ATOH7: variants seen among roughly 807,000 people sequenced by gnomAD.
ATOH7 encodes the protein atonal bHLH transcription factor 7.
Under a neutral mutation model 11.0 loss-of-function variants are expected in ATOH7, and 11 were observed. The ratio of observed to expected loss-of-function variants is 1.00; its 90% CI spans 0.63 to 1.66. The LOEUF is 1.66. ATOH7 is among the 40% of genes most tolerant of loss of function. The pLI, the probability that ATOH7 is intolerant of heterozygous loss-of-function variation, is 0.00. For synonymous variants in ATOH7, 98 were observed against 98.3 expected (o/e 1.00, Z 0.02); for missense variants, 232 against 219.2 (o/e 1.06, Z -0.37).
rs760974406 is a variant in ATOH7, at chr10:68,231,271, T to C, written c.407A>G (p.Tyr136Cys). The C allele has an allele frequency of 2.5e-6, 4 of 1,605,050 alleles. No individual in the cohort carries two copies. In the South Asian group the frequency reaches 4.4e-5, roughly 18 times the overall value. Residue 136 changes from tyrosine to cysteine, a missense_variant, in exon 1 of 1, where the codon TAC (tyrosine) becomes TGC (cysteine). Physicochemically the swap from Tyr to Cys is radical, Grantham distance 194. Transcript: ENST00000373673. ...CTGGAAGCCGAAGAGTCTCTGGCTG[T>C]ACAGCTCGCTCTCGCCCGGCAGCTT... ...GAKLPGESEL[Y>C]SQRLFGFQPE...
rs370130944 is a variant in ATOH7 at position 68,231,475 on chromosome 10, G to C, written c.203C>G (p.Pro68Arg). ...TAFDRLRRVV[P>R]QWGQDKKLSK... ...CAGCTTTTTATCCTGGCCCCACTGG[G>C]GAACCACCCTGCGTAAGCGGTCGAA... The change falls in exon 1 of 1, where the codon CCC becomes CGC. Residue 68 changes from proline (P) to arginine (R), a missense_variant. Pro to Arg is a moderately radical substitution (Grantham distance 103). Coordinates refer to ENST00000373673, the MANE Select transcript of ATOH7 (RefSeq NM_145178.4). 5.6e-6 allele frequency: 9 copies of C among 1,600,968 alleles called. No homozygotes were observed. The highest frequency in any genetic ancestry group is 6.8e-6 in the Non-Finnish European group (8 of 1,174,176).
Position 68,231,738 on chromosome 10 carries a change from G to T in ATOH7, c.-61C>A. 9.2e-7 allele frequency: 1 copy of T among 1,085,158 alleles called. No individual in the cohort carries two copies. The highest frequency in any genetic ancestry group is 1.1e-6 in the Non-Finnish European group (1 of 876,334). 67.2% of individuals were successfully genotyped at this position (1,085,158 alleles called of 1,614,324 possible). A position where few individuals can be genotyped will look rare whatever the true frequency, so the allele number is the denominator to read the frequency against. ...GCCCGCCCGCTCAGGACCTGCGCGT[G>T]GGCTGGTCTCTCGAGCCGCTTCCCA... is the stretch of plus-strand genomic sequence containing the variant. On this transcript the variant is annotated 5_prime_UTR_variant, in exon 1 of 1. Coordinates refer to ENST00000373673, the MANE Select transcript of ATOH7 (RefSeq NM_145178.4).
In ATOH7 at chr10:68,231,628, G is replaced by C. The variant is rs1338971115; in HGVS notation, c.50C>G (p.Pro17Arg). 8.6e-7 allele frequency: 1 copy of C among 1,168,396 alleles called. No homozygotes were observed. Among genetic ancestry groups the C allele is most frequent in the Non-Finnish European group, 1.1e-6 (1 of 946,060 alleles). 72.4% of individuals were successfully genotyped at this position (1,168,396 alleles called of 1,614,324 possible). A position where few individuals can be genotyped will look rare whatever the true frequency, so the allele number is the denominator to read the frequency against. ...SGPPAGARVA[P>R]PCAGGTECAG... is the part of the protein sequence containing the mutation. Reference sequence around the variant, plus strand: ...GCACTCGGTGCCGCCCGCGCACGGGGGTGCAACGCGCGCTCCCGCCGGCGG... The same window carrying C: ...GCACTCGGTGCCGCCCGCGCACGGGCGTGCAACGCGCGCTCCCGCCGGCGG... Residue 17 changes from proline (P) to arginine (R), a missense_variant, in exon 1 of 1, where the codon CCC becomes CGC. Transcript: ENST00000373673.
In ATOH7 at chr10:68,231,485, T is replaced by C. The variant is rs111699024; in HGVS notation, c.193A>G (p.Arg65Gly). ...TCCTGGCCCCACTGGGGAACCACCC[T>C]GCGTAAGCGGTCGAAGGCAGTGTTG... ...GLNTAFDRLR[R>G]VVPQWGQDKK... is the part of the protein sequence containing the mutation. The change falls in exon 1 of 1, where the codon AGG becomes GGG. Residue 65 changes from arginine to glycine, a missense_variant. By Grantham distance (125) the Arg-to-Gly change is moderately radical (BLOSUM62 -2). Coordinates refer to ENST00000373673, the MANE Select transcript of ATOH7 (RefSeq NM_145178.4). 15,702 of 1,595,916 alleles carry C rather than the reference T, an allele frequency of 9.8e-3. 123 individuals carry two copies. The highest frequency in any genetic ancestry group is 0.011 in the Non-Finnish European group (13,436 of 1,171,566).
chr10:68,231,333 G>A lies in ATOH7; in HGVS notation c.345C>T (p.His115=). ...ERDWVGLHCE[H]FGRDHYLPFP... is the part of the protein sequence containing the mutation. Reference sequence around the variant, plus strand: ...ACGGGAGGTAGTGGTCGCGGCCGAAGTGCTCACAGTGGAGACCCACCCAGT... The same window carrying A: ...ACGGGAGGTAGTGGTCGCGGCCGAAATGCTCACAGTGGAGACCCACCCAGT... Residue 115 remains histidine, a synonymous_variant, in exon 1 of 1, where the codon CAC becomes CAT. Coordinates refer to ENST00000373673, the MANE Select transcript of ATOH7 (RefSeq NM_145178.4). 1.9e-6 allele frequency: 3 copies of A among 1,613,226 alleles called. No homozygotes were observed. The highest frequency in any genetic ancestry group is 2.5e-6 in the Non-Finnish European group (3 of 1,179,798).
rs979099181 is a variant in ATOH7 at position 68,231,117 on chromosome 10, G to A, written c.*102C>T. On this transcript the variant is annotated 3_prime_UTR_variant, in exon 1 of 1. Coordinates refer to ENST00000373673, the MANE Select transcript of ATOH7 (RefSeq NM_145178.4). ...AATCGACTAATTTTCCTCGAGGATT[G>A]CATCCTTAGAATCCTGGGCCGCCGG... 4.3e-6 allele frequency: 5 copies of A among 1,160,768 alleles called. No individual in the cohort carries two copies. The highest frequency in any genetic ancestry group is 5.8e-6 in the Non-Finnish European group (5 of 868,242). The allele number at this position is 1,160,768 out of a possible 1,614,324, so 71.9% of individuals were successfully genotyped here.
At position 68,231,581 on chromosome 10, in the gene ATOH7, C is replaced by A. The variant is rs2044027903; in HGVS notation, c.97G>T (p.Gly33Trp). Residue 33 changes from glycine to tryptophan, a missense_variant, in exon 1 of 1, where the codon GGG becomes TGG. Physicochemically the swap from Gly to Trp is radical, Grantham distance 184. Coordinates refer to ENST00000373673, the MANE Select transcript of ATOH7 (RefSeq NM_145178.4). ...CTGCGCGCCGCGCTCTCCAGCCGCC[C>A]GGCCCCGGCGCACGTGCCCGCGCAC... is the stretch of plus-strand genomic sequence containing the variant. ...TECAGTCAGA[G>W]RLESAARRRL... 8.4e-7 allele frequency: 1 copy of A among 1,197,376 alleles called. No homozygotes were observed. Among genetic ancestry groups the A allele is most frequent in the Non-Finnish European group, 1.0e-6 (1 of 961,280 alleles). 74.2% of individuals were successfully genotyped at this position (1,197,376 alleles called of 1,614,324 possible).
chr10:68,231,922 G>A lies in ATOH7; in HGVS notation c.-245C>T, dbSNP rs1001110908. On this transcript the variant is annotated 5_prime_UTR_variant, in exon 1 of 1. Transcript: ENST00000373673. Reference sequence around the variant, plus strand: ...ATTTAGGGGAAAATGAGATGCTCAAGAGAAAGTCATTTTCTCAACATGAAG... The same window carrying A: ...ATTTAGGGGAAAATGAGATGCTCAAAAGAAAGTCATTTTCTCAACATGAAG... 4.9e-6 allele frequency: 1 copy of A among 202,958 alleles called. No homozygotes were observed. Among genetic ancestry groups the A allele is most frequent in the African/African-American group, 2.4e-5 (1 of 42,320 alleles). 12.6% of individuals were successfully genotyped at this position (202,958 alleles called of 1,614,324 possible).
rs1323915881 is a variant in ATOH7, at chr10:68,231,053, C to T, written c.*166G>A. 1.8e-5 allele frequency: 10 copies of T among 567,604 alleles called. No homozygotes were observed. In the East Asian group the frequency reaches 2.4e-4, roughly 14 times the overall value. The allele number at this position is 567,604 out of a possible 1,614,324, so 35.2% of individuals were successfully genotyped here. On this transcript the variant is annotated 3_prime_UTR_variant, in exon 1 of 1. Transcript: ENST00000373673. ...GAAAAGAAAGGCAATTAAATGATTG[C>T]GTCCATAGGTCTGATGATGCGAATA...
rs1419612164 is a variant in ATOH7, at chr10:68,231,651, CG to C, written c.26del (p.Pro9ArgfsTer78). The C allele has an allele frequency of 2.6e-6, 3 of 1,171,626 alleles. No homozygotes were observed. The highest frequency in any genetic ancestry group is 3.2e-6 in the Non-Finnish European group (3 of 947,010). 72.6% of individuals were successfully genotyped at this position (1,171,626 alleles called of 1,614,324 possible). On this transcript the variant is annotated frameshift_variant, in exon 1 of 1. Transcript: ENST00000373673. LOFTEE classifies it high-confidence loss of function. MKSCKPSG[P>X]PAGARVAPPC... ...GGGGTGCAACGCGCGCTCCCGCCGG[CG>C]GGCCGCTGGGCTTGCAGGACTTCAT...
Position 68,231,269 on chromosome 10 carries a change from T to G in ATOH7, c.409A>C (p.Ser137Arg). Reference sequence around the variant, plus strand: ...GGCTGGAAGCCGAAGAGTCTCTGGCTGTACAGCTCGCTCTCGCCCGGCAGC... The same window carrying G: ...GGCTGGAAGCCGAAGAGTCTCTGGCGGTACAGCTCGCTCTCGCCCGGCAGC... ...AKLPGESELY[S>R]QRLFGFQPEP... is the part of the protein sequence containing the mutation. The change falls in exon 1 of 1, where the codon AGC (serine) becomes CGC (arginine). Residue 137 changes from serine (S) to arginine (R), a missense_variant. By Grantham distance (110) the Ser-to-Arg change is moderately radical. Transcript: ENST00000373673. The G allele has an allele frequency of 6.2e-7, 1 of 1,603,226 alleles. No homozygotes were observed. Among genetic ancestry groups the G allele is most frequent in the South Asian group, 1.1e-5 (1 of 90,004 alleles).
chr10:68,231,527 G>A lies in ATOH7; in HGVS notation c.151C>T (p.Arg51Cys), dbSNP rs772282705. 3.0e-6 allele frequency: 4 copies of A among 1,349,480 alleles called. No individual in the cohort carries two copies. Among genetic ancestry groups the A allele is most frequent in the Non-Finnish European group, 2.9e-6 (3 of 1,039,666 alleles). 83.6% of individuals were successfully genotyped at this position (1,349,480 alleles called of 1,614,324 possible). ...RRLAANARER[R>C]RMQGLNTAFD... ...GCAGTGTTGAGCCCCTGCATGCGGCGGCGCTCGCGCGCGTTGGCCGCCAGG... is the reference window on the plus strand; with the variant it reads ...GCAGTGTTGAGCCCCTGCATGCGGCAGCGCTCGCGCGCGTTGGCCGCCAGG... The change falls in exon 1 of 1, where the codon CGC (arginine) becomes TGC (cysteine). Residue 51 changes from arginine (R) to cysteine (C), a missense_variant. Arg to Cys is a radical substitution (Grantham distance 180). Coordinates refer to ENST00000373673, the MANE Select transcript of ATOH7 (RefSeq NM_145178.4).
In ATOH7 at chr10:68,231,310, G is replaced by C. The variant is rs575314578; in HGVS notation, c.368C>G (p.Pro123Arg). The C allele has an allele frequency of 2.5e-6, 4 of 1,612,428 alleles. No homozygotes were observed. The highest frequency in any genetic ancestry group is 2.2e-5 in the East Asian group (1 of 44,782). The change falls in exon 1 of 1, where the codon CCG becomes CGG. Residue 123 changes from proline (P) to arginine (R), a missense_variant. Pro to Arg is a moderately radical substitution (Grantham distance 103). Transcript: ENST00000373673. ...CEHFGRDHYLPFPGAKLPGES... is the reference protein window; with the variant it reads ...CEHFGRDHYLRFPGAKLPGES... ...GCCCGGCAGCTTCGCGCCCGGGAAC[G>C]GGAGGTAGTGGTCGCGGCCGAAGTG... is the stretch of plus-strand genomic sequence containing the variant.
In ATOH7 at chr10:68,231,648, C is replaced by T; in HGVS notation, c.30G>A (p.Pro10=). ...ACGGGGGTGCAACGCGCGCTCCCGC[C>T]GGCGGGCCGCTGGGCTTGCAGGACT... is the stretch of plus-strand genomic sequence containing the variant. MKSCKPSGP[P]AGARVAPPCA... is the part of the protein sequence containing the mutation. The change falls in exon 1 of 1, where the codon CCG becomes CCA. Residue 10 remains proline (P), a synonymous_variant. Coordinates refer to ENST00000373673, the MANE Select transcript of ATOH7 (RefSeq NM_145178.4). The T allele has an allele frequency of 8.5e-7, 1 of 1,171,858 alleles. No homozygotes were observed. The highest frequency in any genetic ancestry group is 1.1e-6 in the Non-Finnish European group (1 of 947,284). 72.6% of individuals were successfully genotyped at this position (1,171,858 alleles called of 1,614,324 possible).
Position 68,231,369 on chromosome 10 carries a change from G to A in ATOH7, c.309C>T (p.Gly103=), listed in dbSNP as rs368807165. 1.2e-6 allele frequency: 2 copies of A among 1,613,808 alleles called. No homozygotes were observed. Among genetic ancestry groups the A allele is most frequent in the Non-Finnish European group, 8.5e-7 (1 of 1,179,926 alleles). Residue 103 remains glycine (G), a synonymous_variant, in exon 1 of 1, where the codon GGC becomes GGT. Transcript: ENST00000373673. ...TRILAEAERF[G]SERDWVGLHC... ...GGAGACCCACCCAGTCCCGCTCCGA[G>A]CCGAATCGCTCGGCCTCGGCCAGGA...
Position 68,231,753 on chromosome 10 carries a change from G to A in ATOH7, c.-76C>T. On this transcript the variant is annotated 5_prime_UTR_variant, in exon 1 of 1. Coordinates refer to ENST00000373673, the MANE Select transcript of ATOH7 (RefSeq NM_145178.4). The stretch of plus-strand genomic sequence containing the variant: ...ACCTGCGCGTGGGCTGGTCTCTCGA[G>A]CCGCTTCCCAACGTGCCTCTTCTGA... The A allele has an allele frequency of 4.0e-6, 4 of 997,360 alleles. No homozygotes were observed. The highest frequency in any genetic ancestry group is 5.0e-6 in the Non-Finnish European group (4 of 805,434). 61.8% of individuals were successfully genotyped at this position (997,360 alleles called of 1,614,324 possible). A position where few individuals can be genotyped will look rare whatever the true frequency, so the allele number is the denominator to read the frequency against.
Position 68,231,298 on chromosome 10 carries a change from G to A in ATOH7, c.380C>T (p.Ala127Val). The A allele has an allele frequency of 6.2e-7, 1 of 1,611,298 alleles. No homozygotes were observed. The highest frequency in any genetic ancestry group is 8.5e-7 in the Non-Finnish European group (1 of 1,179,144). The change falls in exon 1 of 1, where the codon GCG becomes GTG. Residue 127 changes from alanine to valine, a missense_variant. Transcript: ENST00000373673. ...GRDHYLPFPGAKLPGESELYS... is the reference protein window; with the variant it reads ...GRDHYLPFPGVKLPGESELYS... ...CAGCTCGCTCTCGCCCGGCAGCTTCGCGCCCGGGAACGGGAGGTAGTGGTC... is the reference window on the plus strand; with the variant it reads ...CAGCTCGCTCTCGCCCGGCAGCTTCACGCCCGGGAACGGGAGGTAGTGGTC...
Position 68,231,568 on chromosome 10 carries a change from C to T in ATOH7, c.110G>A (p.Ser37Asn). 3 of 1,234,236 alleles carry T rather than the reference C, an allele frequency of 2.4e-6. No homozygotes were observed. Among genetic ancestry groups the T allele is most frequent in the Non-Finnish European group, 3.1e-6 (3 of 982,186 alleles). The allele number at this position is 1,234,236 out of a possible 1,614,324, so 76.5% of individuals were successfully genotyped here. A position where few individuals can be genotyped will look rare whatever the true frequency, so the allele number is the denominator to read the frequency against. The change falls in exon 1 of 1, where the codon AGC (serine) becomes AAC (asparagine). Residue 37 changes from serine to asparagine, a missense_variant. Coordinates refer to ENST00000373673, the MANE Select transcript of ATOH7 (RefSeq NM_145178.4). ...GGCCGCCAGGCGCCTGCGCGCCGCG[C>T]TCTCCAGCCGCCCGGCCCCGGCGCA... ...GTCAGAGRLE[S>N]AARRRLAANA...
In ATOH7 at chr10:68,231,487, C is replaced by G; in HGVS notation, c.191G>C (p.Arg64Pro). The change falls in exon 1 of 1, where the codon CGC (arginine) becomes CCC (proline). Residue 64 changes from arginine (R) to proline (P), a missense_variant. Physicochemically the swap from Arg to Pro is moderately radical, Grantham distance 103. Transcript: ENST00000373673. Reference sequence around the variant, plus strand: ...CTGGCCCCACTGGGGAACCACCCTGCGTAAGCGGTCGAAGGCAGTGTTGAG... The same window carrying G: ...CTGGCCCCACTGGGGAACCACCCTGGGTAAGCGGTCGAAGGCAGTGTTGAG... ...QGLNTAFDRL[R>P]RVVPQWGQDK... 1 of 1,595,160 alleles carries G rather than the reference C, an allele frequency of 6.3e-7. No individual in the cohort carries two copies. The highest frequency in any genetic ancestry group is 8.5e-7 in the Non-Finnish European group (1 of 1,171,192).
Sources: allele counts gnomAD v4.1 joint callset, GRCh38; gene constraint gnomAD v4.1.1; transcripts MANE v1.5; gene names NCBI Gene and HGNC (gene_info 2026-07-23, HGNC 2026-07-21).